The following DPY19L2 variants were observed in gnomAD, a reference collection of about 807,000 sequenced individuals.
DPY19L2 encodes probable C-mannosyltransferase DPY19L2.
A neutral mutation model predicts 97.9 loss-of-function variants in DPY19L2; 34 were observed. The observed-to-expected ratio is 0.35, with a 90% CI of 0.26 to 0.46. The LOEUF (loss-of-function observed/expected upper bound fraction) is 0.46, where lower values mean the gene tolerates loss of function less well. Ranked by LOEUF, DPY19L2 falls within the 20% of genes least tolerant of loss-of-function variation. The pLI is 1.00. For missense variants in DPY19L2, 623 were observed against 911.4 expected, an observed-to-expected ratio of 0.68 and a Z score of 4.07; for synonymous variants, 230 against 307.9, an observed-to-expected ratio of 0.75 and a Z score of 2.65.
intron 21 of DPY19L2, among the ~76,000 whole-genome samples, chr12:63,568,152 C>T (rs566364436): frequency 0.019 from 2,928 of 151,920 alleles, 45 homozygotes; most frequent in Non-Finnish European, 0.029. Context: ...AGGTCTGTGA[C>T]TTTGGTTATT....
intron 4 of DPY19L2, among the ~76,000 whole-genome samples, chr12:63,655,353 G>C (rs1006185957): frequency 1.4e-4 from 21 of 152,144 alleles, no homozygotes; most frequent in African/African-American, 4.8e-4. Flanking sequence ...ACCAAATTTT[G>C]GTTGTGCTTA....
intron 4 of DPY19L2, among the ~76,000 whole-genome samples, chr12:63,656,242 A>T (rs1339224963): frequency 1.3e-5 from 2 of 152,140 alleles, no homozygotes; most frequent in African/African-American, 4.8e-5. Flanking sequence ...TATACTTGGG[A>T]ATCTGATTAT....
chr12:63,661,375 T>G lies in DPY19L2; in HGVS notation c.557A>C (p.Asn186Thr). ...DRLTEYPLIINAIKRFHLYPE... is the reference protein window; with the variant it reads ...DRLTEYPLIITAIKRFHLYPE... The stretch of plus-strand genomic sequence containing the variant: ...ATAAAGATGGAAGCGTTTTATTGCA[T>G]TAATTATAAGAGGATATTCAGTAAG... The change falls in exon 4 of 22, where the codon AAT becomes ACT. Residue 186 changes from asparagine (N) to threonine (T), a missense_variant. By Grantham distance (65) the Asn-to-Thr change is moderately conservative. Transcript: ENST00000324472. 3.1e-6 allele frequency: 5 copies of G among 1,588,602 alleles called. No individual in the cohort carries two copies. Among genetic ancestry groups the G allele is most frequent in the Non-Finnish European group, 4.3e-6 (5 of 1,173,232 alleles).
At chr12:63,635,257 C>T (rs1291434018) in intron 6 of DPY19L2, among the ~76,000 whole-genome samples, 2 of 152,098 alleles carry the variant, frequency 1.3e-5, no homozygotes, top group Non-Finnish European at 2.9e-5. Flanking sequence ...ACAGAAAGGA[C>T]ACCCACACCA....
intron 11 of DPY19L2, among the ~76,000 whole-genome samples, chr12:63,612,388 G>T (rs1282410949): frequency 6.7e-6 from 1 of 149,360 alleles, no homozygotes; most frequent in Non-Finnish European, 1.5e-5. Flanking sequence ...GTAATTTACT[G>T]TTTAAGTAAA....
In DPY19L2 at chr12:63,569,302, T is replaced by C. The variant is rs1309469284; in HGVS notation, c.2048A>G (p.Lys683Arg). Residue 683 changes from lysine (K) to arginine (R), a missense_variant, in exon 21 of 22, where the codon AAA (lysine) becomes AGA (arginine). Physicochemically the swap from Lys to Arg is conservative, Grantham distance 26. Transcript: ENST00000324472. ...CTCCAACAATTTATCTCTTACTTCT[T>C]TGGCAGATTTTCGACTATATGTAGA... ...VYSTYSRKSAKEVRDKLLELH... is the reference protein window; with the variant it reads ...VYSTYSRKSAREVRDKLLELH... 3 of 1,599,974 alleles carry C rather than the reference T, an allele frequency of 1.9e-6. No individual in the cohort carries two copies. The highest frequency in any genetic ancestry group is 2.7e-5 in the African/African-American group (2 of 74,512).
chr12:63,629,898 T>G (rs1434242253), intron 6 of DPY19L2, among the ~76,000 whole-genome samples: 2 of 151,864 alleles, frequency 1.3e-5, no homozygotes, highest in Non-Finnish European at 2.9e-5. Context: ...CAGAAGAGAG[T>G]GGGGGCCAAT....
At position 63,628,585 on chromosome 12, in the gene DPY19L2, G is replaced by C. The variant is rs147803113; in HGVS notation, c.804-2059C>G. On this transcript the variant is annotated intron_variant, in intron 6 of 21. Coordinates refer to ENST00000324472, the MANE Select transcript of DPY19L2 (RefSeq NM_173812.5). ...GCAGCCAGGAAGCTCGAACAGGGTG[G>C]AGCCCACCACAGCTCAACGAGGCCT... Among the ~76,000 whole-genome samples the C allele has an allele frequency of 5.9e-3, 892 of 152,250 alleles. 6 individuals are homozygous for C. The highest frequency in any genetic ancestry group is 0.02 in the Middle Eastern group (6 of 294).
At chr12:63,639,433 T>A (rs886856111) in intron 6 of DPY19L2, among the ~76,000 whole-genome samples, 16 of 151,594 alleles carry the variant, frequency 1.1e-4, no homozygotes, top group African/African-American at 3.9e-4. Context: ...TGGGAGAAAA[T>A]TTTTCCAATC....
At chr12:63,627,837 T>C (rs28538211) in intron 6 of DPY19L2, among the ~76,000 whole-genome samples, 15,687 of 152,156 alleles carry the variant, frequency 0.1, 1,041 homozygotes, top group East Asian at 0.28. Flanking sequence ...TGTTCATTAC[T>C]ATATCCCCAG....
intron 12 of DPY19L2, among the ~76,000 whole-genome samples, chr12:63,603,391 G>T (rs1885504331): frequency 6.6e-6 from 1 of 151,944 alleles, no homozygotes; most frequent in African/African-American, 2.4e-5. Flanking sequence ...AAGTTCTGGG[G>T]TACATGTGCA....
intron 7 of DPY19L2, among the ~76,000 whole-genome samples, chr12:63,624,474 T>C (rs1409252067): frequency 6.6e-6 from 1 of 152,084 alleles, no homozygotes; most frequent in African/African-American, 2.4e-5. Flanking sequence ...CATATGATCC[T>C]GGCATCCCAG....
intron 4 of DPY19L2, among the ~76,000 whole-genome samples, chr12:63,647,743 A>C (rs1893616562): frequency 6.6e-6 from 1 of 152,176 alleles, no homozygotes; most frequent in Non-Finnish European, 1.5e-5. Context: ...TATGAAGCTA[A>C]TGTAAAAAGA....
At chr12:63,593,413 G>C (rs1011451726) in intron 16 of DPY19L2, among the ~76,000 whole-genome samples, 1 of 152,058 alleles carries the variant, frequency 6.6e-6, no homozygotes, top group East Asian at 1.9e-4. Flanking sequence ...ATGATAGACT[G>C]GATTAAGAAA....
chr12:63,608,140 G>T (rs1169128590), intron 12 of DPY19L2, among the ~76,000 whole-genome samples: 1 of 152,102 alleles, frequency 6.6e-6, no homozygotes, highest in Non-Finnish European at 1.5e-5. Context: ...AGAAGGGGCT[G>T]GGAGACTGTA....
chr12:63,560,753 T>A (rs1876331147), intron 21 of DPY19L2, 91 bp from the exon 22 acceptor site: 28 of 1,472,804 alleles, frequency 1.9e-5, no homozygotes, highest in Non-Finnish European at 2.6e-5. Flanking sequence ...CAGAGACAAA[T>A]TTATTTCATA....
At chr12:63,612,009 A>C (rs1002628369) in intron 11 of DPY19L2, among the ~76,000 whole-genome samples, 5 of 152,084 alleles carry the variant, frequency 3.3e-5, no homozygotes, top group Non-Finnish European at 4.4e-5. Context: ...GGTAAAGAGA[A>C]AATCTTATCT....
At chr12:63,628,371 C>G (rs1406242669) in intron 6 of DPY19L2, among the ~76,000 whole-genome samples, 3 of 152,166 alleles carry the variant, frequency 2.0e-5, no homozygotes, top group Non-Finnish European at 2.9e-5. Context: ...CCTACCCTAA[C>G]AGTGCGCTTT....
intron 6 of DPY19L2, among the ~76,000 whole-genome samples, chr12:63,632,456 C>T (rs1334100274): frequency 1.3e-5 from 2 of 152,146 alleles, no homozygotes; most frequent in Non-Finnish European, 2.9e-5. Flanking sequence ...GAGGCAACTC[C>T]CATTCACAAT....
Sources: allele counts gnomAD v4.1 joint callset (sites outside exome capture counted in the v4.1 genomes callset), GRCh38; gene constraint gnomAD v4.1.1; transcripts MANE v1.5; gene names NCBI Gene and HGNC (gene_info 2026-07-23, HGNC 2026-07-21).